Variants in ST8SIA4 observed in about 807,000 individuals in gnomAD.
The protein encoded by ST8SIA4 is ST8 alpha-N-acetyl-neuraminide alpha-2,8-sialyltransferase 4, also known as CMP-N-acetylneuraminate-poly-alpha-2,8-sialyltransferase.
Under a neutral mutation model 33.9 loss-of-function variants are expected in ST8SIA4, and 15 were observed. The observed-to-expected ratio is 0.44, with a 90% CI of 0.30 to 0.68. ST8SIA4 has a LOEUF of 0.68. ST8SIA4 is among the 30% of genes least tolerant of loss of function. The pLI, the probability that ST8SIA4 is intolerant of heterozygous loss-of-function variation, is 0.10. For synonymous variants in ST8SIA4, 171 were observed against 151.2 expected (o/e 1.13, Z -0.96); for missense variants, 321 against 428.0 (o/e 0.75, Z 2.21).
chr5:100,868,967 A>C (rs768517337), intron 3 of ST8SIA4, among the ~76,000 whole-genome samples: 55 of 152,116 alleles, frequency 3.6e-4, no homozygotes, highest in Non-Finnish European at 5.0e-4. Context: ...AAAGCTACAC[A>C]TAATAATAAT....
chr5:100,872,010 T>C (rs1752206884), intron 3 of ST8SIA4, among the ~76,000 whole-genome samples: 1 of 152,086 alleles, frequency 6.6e-6, no homozygotes, highest in Non-Finnish European at 1.5e-5. Flanking sequence ...TGACTCCTCT[T>C]ATGTACTAAT....
At chr5:100,840,040 A>G (rs1160582230) in intron 4 of ST8SIA4, among the ~76,000 whole-genome samples, 1 of 151,680 alleles carries the variant, frequency 6.6e-6, no homozygotes, top group Non-Finnish European at 1.5e-5. Flanking sequence ...TTTTCAATTC[A>G]TACGGAGTCT....
At chr5:100,862,526 G>T (rs1751969053) in intron 3 of ST8SIA4, among the ~76,000 whole-genome samples, 1 of 151,884 alleles carries the variant, frequency 6.6e-6, no homozygotes, top group African/African-American at 2.4e-5. Flanking sequence ...AGCCTCCTAA[G>T]TAGCTGGGAT....
chr5:100,854,037 T>C (rs1342332611), intron 4 of ST8SIA4, among the ~76,000 whole-genome samples: 1 of 146,426 alleles, frequency 6.8e-6, no homozygotes, highest in East Asian at 1.9e-4. Flanking sequence ...CATTATCTTT[T>C]TAAGGTGTTT....
At chr5:100,841,292 C>G (rs1580457589) in intron 4 of ST8SIA4, among the ~76,000 whole-genome samples, 1 of 151,760 alleles carries the variant, frequency 6.6e-6, no homozygotes, top group African/African-American at 2.4e-5. Context: ...AATTTTTATT[C>G]AAGCCATAGG....
At chr5:100,828,171 G>T (rs1751180414) in intron 4 of ST8SIA4, among the ~76,000 whole-genome samples, 1 of 152,154 alleles carries the variant, frequency 6.6e-6, no homozygotes, top group African/African-American at 2.4e-5. Context: ...AGAGCCTGGG[G>T]TTCTGGGGGA....
At chr5:100,815,203 G>A (rs1750890582) in intron 4 of ST8SIA4, among the ~76,000 whole-genome samples, 1 of 151,506 alleles carries the variant, frequency 6.6e-6, no homozygotes, top group South Asian at 2.1e-4. Context: ...TAAGCTCCTT[G>A]TAGAAAATTT....
rs1358633172 is a variant in ST8SIA4 at position 100,807,667 on chromosome 5, G to A, written c.*4180C>T. On this transcript the variant is annotated 3_prime_UTR_variant, in exon 5 of 5. Coordinates refer to ENST00000231461, the MANE Select transcript of ST8SIA4 (RefSeq NM_005668.6). The stretch of plus-strand genomic sequence containing the variant: ...ATAAAGTAGATACCTCTTAAAGCAC[G>A]TTAGTAACTGAAGTCTCAAAAGAAC... 1.3e-5 allele frequency: 2 copies of A among 152,376 alleles called. No individual in the cohort carries two copies. The highest frequency in any genetic ancestry group is 2.4e-5 in the African/African-American group (1 of 41,394). The allele number at this position is 152,376 out of a possible 1,614,324, so 9.4% of individuals were successfully genotyped here. A position where few individuals can be genotyped will look rare whatever the true frequency, so the allele number is the denominator to read the frequency against.
chr5:100,886,162 G>T, intron 3 of ST8SIA4, 181 bp downstream of exon 3: 1 of 1,383,298 alleles, frequency 7.2e-7, no homozygotes, highest in Non-Finnish European at 9.3e-7. Flanking sequence ...TTTCAACTAC[G>T]CAATAATTAT....
At chr5:100,860,068 C>T (rs561439234) in intron 3 of ST8SIA4, among the ~76,000 whole-genome samples, 1 of 152,214 alleles carries the variant, frequency 6.6e-6, no homozygotes, top group South Asian at 2.1e-4. Context: ...TCATCCAAAA[C>T]TGGAGTAAAT....
chr5:100,896,149 C>T (rs1003156320), intron 1 of ST8SIA4, among the ~76,000 whole-genome samples: 12 of 151,944 alleles, frequency 7.9e-5, no homozygotes, highest in African/African-American at 2.9e-4. Flanking sequence ...GCTTGCAGTC[C>T]CAAGTTCATT....
intron 4 of ST8SIA4, among the ~76,000 whole-genome samples, chr5:100,830,224 T>C (rs531973874): frequency 2.9e-4 from 44 of 152,350 alleles, no homozygotes; most frequent in Non-Finnish European, 5.3e-4. Context: ...GCAATAATTA[T>C]GGGTGTAGAC....
chr5:100,849,863 T>A (rs927025629), intron 4 of ST8SIA4, among the ~76,000 whole-genome samples: 1 of 152,116 alleles, frequency 6.6e-6, no homozygotes, highest in Non-Finnish European at 1.5e-5. Flanking sequence ...GGGCATGAGA[T>A]GTTTACCAAG....
intron 3 of ST8SIA4, among the ~76,000 whole-genome samples, chr5:100,870,938 G>A (rs1160419722): frequency 6.6e-6 from 1 of 152,076 alleles, no homozygotes; most frequent in Non-Finnish European, 1.5e-5. Context: ...GAGAAAATGT[G>A]TGTAGCAAAT....
chr5:100,886,352 A>C lies in ST8SIA4; in HGVS notation c.494T>G (p.Phe165Cys). The change falls in exon 3 of 5, where the codon TTT becomes TGT. Residue 165 changes from phenylalanine to cysteine, a missense_variant. Transcript: ENST00000231461. ...GCAGAAGAAAGCTCACCTTATTACA[A>C]AATTGTGACTGTCAATCTCCTTTCC... ...ECGKEIDSHNFVIRCNLAPVV... is the reference protein window; with the variant it reads ...ECGKEIDSHNCVIRCNLAPVV... 1.2e-6 allele frequency: 2 copies of C among 1,613,312 alleles called. No homozygotes were observed. Among genetic ancestry groups the C allele is most frequent in the Non-Finnish European group, 1.7e-6 (2 of 1,179,384 alleles).
chr5:100,811,995 G>T lies in ST8SIA4; in HGVS notation c.932C>A (p.Ala311Glu), dbSNP rs769426294. 10 of 1,614,024 alleles carry T rather than the reference G, an allele frequency of 6.2e-6. No individual in the cohort carries two copies. The Admixed American group carries it at 1.7e-4, about 27-fold the overall frequency. Residue 311 changes from alanine (A) to glutamate (E), a missense_variant, in exon 5 of 5, where the codon GCG becomes GAG. By Grantham distance (107) the Ala-to-Glu change is moderately radical (BLOSUM62 -1). Coordinates refer to ENST00000231461, the MANE Select transcript of ST8SIA4 (RefSeq NM_005668.6). ...WPFPKDLNGK[A>E]VKYHYYDDLK... ...GTCATCATAATAATGATATTTGACC[G>T]CTTTTCCATTTAAATCCTTAGGGAA...
chr5:100,832,039 A>G (rs1751274387), intron 4 of ST8SIA4, among the ~76,000 whole-genome samples: 1 of 152,148 alleles, frequency 6.6e-6, no homozygotes, highest in Non-Finnish European at 1.5e-5. Context: ...TCTAAAGAGA[A>G]TCTAGTTTAG....
intron 4 of ST8SIA4, among the ~76,000 whole-genome samples, chr5:100,853,340 T>G (rs1561395065): frequency 6.6e-6 from 1 of 152,220 alleles, no homozygotes; most frequent in Non-Finnish European, 1.5e-5. Context: ...TGTGTACAAA[T>G]TTCCATTCTA....
chr5:100,884,167 C>T (rs1294128249), intron 3 of ST8SIA4, among the ~76,000 whole-genome samples: 2 of 152,058 alleles, frequency 1.3e-5, no homozygotes, highest in African/African-American at 4.8e-5. Flanking sequence ...CATTAATATA[C>T]GGCAGATTAT....
Sources: allele counts gnomAD v4.1 joint callset (sites outside exome capture counted in the v4.1 genomes callset), GRCh38; gene constraint gnomAD v4.1.1; transcripts MANE v1.5; gene names NCBI Gene and HGNC (gene_info 2026-07-23, HGNC 2026-07-21).